MTUS2: variants seen among roughly 807,000 people sequenced by gnomAD.
MTUS2 encodes the protein microtubule-associated tumor suppressor candidate 2.
Under a neutral mutation model 114.1 loss-of-function variants are expected in MTUS2, and 40 were observed. The observed-to-expected ratio is 0.35, with a 90% CI of 0.27 to 0.46. MTUS2 has a LOEUF of 0.46. Among genes scored for constraint, MTUS2 ranks in the 20% least tolerant of loss-of-function variants. The pLI, the probability that MTUS2 is intolerant of heterozygous loss-of-function variation, is 1.00. For missense variants in MTUS2, 1,679 were observed against 1,705.4 expected, an observed-to-expected ratio of 0.98 and a Z score of 0.27; for synonymous variants, 688 against 672.0, an observed-to-expected ratio of 1.02 and a Z score of -0.37.
chr13:29,023,121 C>T (rs540781149), intron 2 of MTUS2, among the ~76,000 whole-genome samples: 3 of 152,090 alleles, frequency 2.0e-5, no homozygotes, highest in Non-Finnish European at 4.4e-5. Flanking sequence ...ATGCAAAGGA[C>T]TTGTAAGATG....
At chr13:29,134,079 T>C (rs1426753306) in intron 5 of MTUS2, among the ~76,000 whole-genome samples, 2 of 152,184 alleles carry the variant, frequency 1.3e-5, no homozygotes, top group Non-Finnish European at 2.9e-5. Context: ...TCTTGTTATG[T>C]TGTATTTTTA....
At chr13:29,200,779 C>G (rs1240044009) in intron 5 of MTUS2, among the ~76,000 whole-genome samples, 1 of 152,056 alleles carries the variant, frequency 6.6e-6, no homozygotes, top group Non-Finnish European at 1.5e-5. Context: ...TACAGCCTCC[C>G]AAAGTGCAGA....
chr13:29,403,927 TTATC>T (rs1019702994), intron 8 of MTUS2, among the ~76,000 whole-genome samples: 2 of 152,082 alleles, frequency 1.3e-5, no homozygotes, highest in African/African-American at 2.4e-5. Context: ...ATATATATAT[TTATC>T]CTTCCAGGAC....
At chr13:29,208,077 T>G (rs554793783) in intron 5 of MTUS2, among the ~76,000 whole-genome samples, 1 of 152,102 alleles carries the variant, frequency 6.6e-6, no homozygotes, top group African/African-American at 2.4e-5. Flanking sequence ...TTCTTGGCAA[T>G]TTTTTTATTA....
intron 8 of MTUS2, among the ~76,000 whole-genome samples, chr13:29,430,744 ATCAT>A (rs1876932752): frequency 6.6e-6 from 1 of 152,248 alleles, no homozygotes; most frequent in Admixed American, 6.5e-5. Context: ...GTATGCCAAA[ATCAT>A]TTATTTAATT....
intron 2 of MTUS2, among the ~76,000 whole-genome samples, chr13:28,876,790 T>C (rs984748210): frequency 5.9e-5 from 9 of 152,142 alleles, no homozygotes; most frequent in Non-Finnish European, 1.2e-4. Context: ...GAAAACACGC[T>C]GGGTAAATGA....
intron 4 of MTUS2, among the ~76,000 whole-genome samples, chr13:29,047,238 G>A (rs1313891116): frequency 6.6e-6 from 1 of 152,186 alleles, no homozygotes; most frequent in Non-Finnish European, 1.5e-5. Flanking sequence ...TCTGTGAAAT[G>A]GAAGTTTTAC....
At chr13:29,021,386 T>C (rs1043556732) in intron 2 of MTUS2, among the ~76,000 whole-genome samples, 3 of 152,232 alleles carry the variant, frequency 2.0e-5, no homozygotes, top group African/African-American at 7.2e-5. Flanking sequence ...ATAAAGAACA[T>C]TTATGATGTA....
chr13:29,162,392 CT>C (rs34554022), intron 5 of MTUS2, among the ~76,000 whole-genome samples: 1 of 151,394 alleles, frequency 6.6e-6, no homozygotes, highest in African/African-American at 2.4e-5. Flanking sequence ...ATGCAGGACT[CT>C]TTTTTTTTGG....
chr13:28,848,682 T>C (rs965969053), intron 2 of MTUS2, among the ~76,000 whole-genome samples: 2 of 152,096 alleles, frequency 1.3e-5, no homozygotes, highest in Non-Finnish European at 2.9e-5. Flanking sequence ...ATAATAATAA[T>C]TGATATTTCT....
At chr13:28,993,359 A>T (rs1884945411) in intron 2 of MTUS2, among the ~76,000 whole-genome samples, 1 of 152,162 alleles carries the variant, frequency 6.6e-6, no homozygotes, top group Admixed American at 6.5e-5. Context: ...TCCTACCAAC[A>T]ATGCACAAGT....
chr13:29,010,641 T>TG (rs1885799385), intron 2 of MTUS2, among the ~76,000 whole-genome samples: 1 of 151,962 alleles, frequency 6.6e-6, no homozygotes, highest in Admixed American at 6.5e-5. Context: ...CCCCCTGCTG[T>TG]GGGGAGGTTT....
At chr13:29,298,313 A>G (rs967306180) in intron 6 of MTUS2, among the ~76,000 whole-genome samples, 5 of 152,218 alleles carry the variant, frequency 3.3e-5, no homozygotes, top group African/African-American at 1.2e-4. Flanking sequence ...CTACCTAAGG[A>G]AAAACATTCC....
intron 5 of MTUS2, among the ~76,000 whole-genome samples, chr13:29,178,302 C>T (rs1423323596): frequency 6.6e-6 from 1 of 152,122 alleles, no homozygotes; most frequent in African/African-American, 2.4e-5. Flanking sequence ...TGGTCATACC[C>T]TACTTTCCCA....
intron 2 of MTUS2, among the ~76,000 whole-genome samples, chr13:28,950,631 T>G (rs1288396332): frequency 1.3e-5 from 2 of 152,124 alleles, no homozygotes; most frequent in Non-Finnish European, 2.9e-5. Context: ...GAGAGAGAAA[T>G]ATGGAAAATG....
intron 2 of MTUS2, among the ~76,000 whole-genome samples, chr13:29,009,272 A>C (rs536795946): frequency 6.6e-6 from 1 of 152,110 alleles, no homozygotes; most frequent in Non-Finnish European, 1.5e-5. Context: ...ATATAATGGA[A>C]TACTACTCAG....
At chr13:29,407,626 C>T (rs1874876868) in intron 8 of MTUS2, among the ~76,000 whole-genome samples, 2 of 151,800 alleles carry the variant, frequency 1.3e-5, no homozygotes, top group Non-Finnish European at 2.9e-5. Context: ...AACAGGCACC[C>T]GCCACCACAC....
At chr13:29,323,255 CTT>C (rs60638556) in intron 6 of MTUS2, among the ~76,000 whole-genome samples, 2 of 143,200 alleles carry the variant, frequency 1.4e-5, no homozygotes. Context: ...TATGATGTGG[CTT>C]TTTTTTTTTT....
At chr13:29,089,688 C>A (rs541496359) in intron 4 of MTUS2, among the ~76,000 whole-genome samples, 1 of 152,262 alleles carries the variant, frequency 6.6e-6, no homozygotes, top group South Asian at 2.1e-4. Flanking sequence ...TTCAAAGGAG[C>A]GGTGTTCAAG....
Sources: gnomAD v4.1 joint callset for allele counts (sites outside exome capture counted in the v4.1 genomes callset) on GRCh38, gnomAD v4.1.1 for gene constraint, MANE v1.5 for transcripts, NCBI Gene and HGNC (gene_info 2026-07-23, HGNC 2026-07-21) for gene names.